TPST2: variants seen among roughly 807,000 people sequenced by gnomAD.
TPST2 encodes protein-tyrosine sulfotransferase 2.
A neutral mutation model predicts 27.8 loss-of-function variants in TPST2; 16 were observed. The observed-to-expected ratio is 0.58, with a 90% CI of 0.39 to 0.88. The LOEUF is 0.88. Among genes scored for constraint, TPST2 ranks in the 40% least tolerant of loss-of-function variants. The pLI, the probability that TPST2 is intolerant of heterozygous loss-of-function variation, is 0.00. For missense variants in TPST2, 464 were observed against 543.1 expected (o/e 0.85, Z 1.45); for synonymous variants, 229 against 231.7 (o/e 0.99, Z 0.10).
rs1034090567 is a variant in TPST2 at position 26,525,533 on chromosome 22, T to A, written c.*742A>T. 1 of 152,256 alleles carries A rather than the reference T, an allele frequency of 6.6e-6. No homozygotes were observed. The highest frequency in any genetic ancestry group is 1.5e-5 in the Non-Finnish European group (1 of 68,064). The allele number at this position is 152,256 out of a possible 1,614,324, so 9.4% of individuals were successfully genotyped here. A position where few individuals can be genotyped will look rare whatever the true frequency, so the allele number is the denominator to read the frequency against. On this transcript the variant is annotated 3_prime_UTR_variant, in exon 7 of 7. Coordinates refer to ENST00000338754, the MANE Select transcript of TPST2 (RefSeq NM_003595.5). ...CCGGCCTCTTTTGCTGATTTTAATG[T>A]TTATCCTTTTGCTGTAATAAACCAT... is the stretch of plus-strand genomic sequence containing the variant.
intron 1 of TPST2, among the ~76,000 whole-genome samples, chr22:26,560,336 C>A (rs770954847): frequency 1.3e-5 from 2 of 152,184 alleles, no homozygotes; most frequent in Admixed American, 6.5e-5. Context: ...AGACACTTAA[C>A]CTCTGTGGTC....
At chr22:26,579,575 A>G (rs1380362185) in intron 1 of TPST2, among the ~76,000 whole-genome samples, 2 of 152,150 alleles carry the variant, frequency 1.3e-5, no homozygotes, top group South Asian at 2.1e-4. Flanking sequence ...CACACCTCCA[A>G]AGGTTTCTGG....
chr22:26,567,367 C>G (rs930280099), intron 1 of TPST2, among the ~76,000 whole-genome samples: 1 of 152,188 alleles, frequency 6.6e-6, no homozygotes, highest in Non-Finnish European at 1.5e-5. Flanking sequence ...AAGGCCTAGC[C>G]TGGAAGTTGG....
At chr22:26,581,029 CA>C (rs1434327024) in intron 1 of TPST2, among the ~76,000 whole-genome samples, 10 of 62,856 alleles carry the variant, frequency 1.6e-4, no homozygotes, top group African/African-American at 2.2e-4. Flanking sequence ...TACACACACA[CA>C]CACACACACA....
At chr22:26,546,492 CAA>C (rs1201131499) in intron 1 of TPST2, among the ~76,000 whole-genome samples, 2 of 152,246 alleles carry the variant, frequency 1.3e-5, no homozygotes, top group African/African-American at 4.8e-5. Context: ...CCAGCGAGCC[CAA>C]GAGGCCTGCC....
intron 1 of TPST2, among the ~76,000 whole-genome samples, chr22:26,589,540 C>T (rs1201531386): frequency 1.3e-5 from 2 of 152,196 alleles, no homozygotes; most frequent in Non-Finnish European, 2.9e-5. Context: ...GCTCCCCAAC[C>T]CAGTGCTCCC....
chr22:26,537,055 CAAAAAAAA>C (rs35028987), intron 3 of TPST2, among the ~76,000 whole-genome samples: 1 of 145,504 alleles, frequency 6.9e-6, no homozygotes, highest in Non-Finnish European at 1.5e-5. Flanking sequence ...GACCCTGTCT[CAAAAAAAA>C]AAGAAACACT....
At chr22:26,533,341 GC>G (rs1249595350) in intron 4 of TPST2, among the ~76,000 whole-genome samples, 8 of 152,186 alleles carry the variant, frequency 5.3e-5, no homozygotes, top group Admixed American at 4.6e-4. Context: ...GATTGGTTGA[GC>G]CCGGGAGGTT....
At chr22:26,559,552 AC>A (rs1014537957) in intron 1 of TPST2, among the ~76,000 whole-genome samples, 8 of 151,928 alleles carry the variant, frequency 5.3e-5, no homozygotes, top group African/African-American at 1.9e-4. Flanking sequence ...TCAAACTGTA[AC>A]CCCCTTCTCC....
At chr22:26,561,916 G>A (rs1927118236) in intron 1 of TPST2, among the ~76,000 whole-genome samples, 2 of 152,262 alleles carry the variant, frequency 1.3e-5, no homozygotes, top group African/African-American at 4.8e-5. Context: ...GTCCTTCCTC[G>A]CAGGCTCCAA....
At chr22:26,557,613 GGGGAC>G (rs1429719940) in intron 1 of TPST2, among the ~76,000 whole-genome samples, 1 of 151,842 alleles carries the variant, frequency 6.6e-6, no homozygotes, top group East Asian at 1.9e-4. Flanking sequence ...GAGTTATCCT[GGGGAC>G]GGTGGGAAAT....
chr22:26,570,036 A>AC (rs1279764714), intron 1 of TPST2, among the ~76,000 whole-genome samples: 106 of 135,860 alleles, frequency 7.8e-4, no homozygotes, highest in African/African-American at 3.0e-3. Context: ...AGAAAGAAAG[A>AC]AAGAAAGACA....
chr22:26,555,353 C>A, intron 1 of TPST2: 1 of 473,896 alleles, frequency 2.1e-6, no homozygotes, highest in South Asian at 1.5e-5. Flanking sequence ...ATGCAATCAT[C>A]GTGGAGTGCA....
intron 1 of TPST2, chr22:26,565,766 T>C (rs1038794946): frequency 2.0e-5 from 3 of 152,160 alleles, no homozygotes; most frequent in African/African-American, 4.8e-5. Flanking sequence ...ATATAAAATA[T>C]TATCATCAAT....
chr22:26,537,453 G>A (rs552864934), intron 3 of TPST2, among the ~76,000 whole-genome samples: 1 of 152,146 alleles, frequency 6.6e-6, no homozygotes, highest in African/African-American at 2.4e-5. Context: ...TAGGCACATT[G>A]TAAGTTTTTT....
intron 2 of TPST2, among the ~76,000 whole-genome samples, chr22:26,542,776 G>C (rs1007589207): frequency 6.6e-6 from 1 of 152,194 alleles, no homozygotes; most frequent in African/African-American, 2.4e-5. Flanking sequence ...GATGCAGCAC[G>C]ACTGGGGAAC....
At chr22:26,532,370 T>C (rs1925214527) in intron 5 of TPST2, among the ~76,000 whole-genome samples, 1 of 152,244 alleles carries the variant, frequency 6.6e-6, no homozygotes, top group Non-Finnish European at 1.5e-5. Context: ...GACCTCTGCC[T>C]CCCAGGGTCA....
intron 5 of TPST2, among the ~76,000 whole-genome samples, chr22:26,532,287 T>C (rs1490441139): frequency 6.6e-6 from 1 of 152,048 alleles, no homozygotes; most frequent in South Asian, 2.1e-4. Context: ...TTATTTTTTA[T>C]TTTTATTTTT....
chr22:26,558,052 A>T lies in TPST2; in HGVS notation c.-160-13377T>A, dbSNP rs9613206. On this transcript the variant is annotated intron_variant, in intron 1 of 6. Coordinates refer to ENST00000338754, the MANE Select transcript of TPST2 (RefSeq NM_003595.5). Reference sequence around the variant, plus strand: ...ACAGAGGGAGACTCCGTCTCAAAAAAATATATATTTTATATAAAATTTATA... The same window carrying T: ...ACAGAGGGAGACTCCGTCTCAAAAATATATATATTTTATATAAAATTTATA... Among the ~76,000 whole-genome samples the T allele has an allele frequency of 1.3e-3, 189 of 147,774 alleles. 1 individual carries two copies. Among genetic ancestry groups the T allele is most frequent in the Non-Finnish European group, 2.1e-3 (143 of 67,082 alleles).
Sources: gnomAD v4.1 joint callset for allele counts (sites outside exome capture counted in the v4.1 genomes callset) on GRCh38, gnomAD v4.1.1 for gene constraint, MANE v1.5 for transcripts, NCBI Gene and HGNC (gene_info 2026-07-23, HGNC 2026-07-21) for gene names.